CNTN3: variants seen among roughly 807,000 people sequenced by gnomAD.
CNTN3 encodes contactin-3.
A neutral mutation model predicts 119.1 loss-of-function variants in CNTN3; 60 were observed. That is an observed-to-expected ratio of 0.50 (90% CI 0.41 to 0.62). CNTN3 has a LOEUF of 0.62. Ranked by LOEUF, CNTN3 falls within the 20% of genes least tolerant of loss-of-function variation. The pLI is 0.00. For missense variants in CNTN3, 1,101 were observed against 1,242.4 expected (o/e 0.89, Z 1.71); for synonymous variants, 450 against 438.7 (o/e 1.03, Z -0.32).
At chr3:74,498,063 G>A (rs1703096206) in intron 3 of CNTN3, among the ~76,000 whole-genome samples, 1 of 151,760 alleles carries the variant, frequency 6.6e-6, no homozygotes, top group African/African-American at 2.4e-5. Flanking sequence ...CTTTTCAGGT[G>A]AACACATTTA....
At chr3:74,540,307 G>A (rs1220054396) in intron 1 of CNTN3, among the ~76,000 whole-genome samples, 2 of 152,060 alleles carry the variant, frequency 1.3e-5, no homozygotes, top group Non-Finnish European at 1.5e-5. Flanking sequence ...AAAGTTTAGG[G>A]GATTTCCTTT....
At chr3:74,548,883 T>C (rs1703949750) in intron 1 of CNTN3, among the ~76,000 whole-genome samples, 1 of 152,212 alleles carries the variant, frequency 6.6e-6, no homozygotes, top group African/African-American at 2.4e-5. Flanking sequence ...AGAGCATTCA[T>C]TTGGGATAGA....
chr3:74,468,263 C>T (rs539053659), intron 4 of CNTN3, among the ~76,000 whole-genome samples: 3 of 152,252 alleles, frequency 2.0e-5, no homozygotes, highest in South Asian at 4.1e-4. Flanking sequence ...TGTTAAAATG[C>T]TATTGATATC....
At chr3:74,610,721 G>A (rs988670384) in intron 1 of CNTN3, among the ~76,000 whole-genome samples, 2 of 152,084 alleles carry the variant, frequency 1.3e-5, no homozygotes, top group Non-Finnish European at 2.9e-5. Flanking sequence ...AGGAGCCAAG[G>A]AAGCCAGTGT....
intron 1 of CNTN3, among the ~76,000 whole-genome samples, chr3:74,598,660 C>A (rs1489963941): frequency 2.0e-5 from 3 of 151,870 alleles, no homozygotes; most frequent in African/African-American, 7.3e-5. Flanking sequence ...GAAATTCATA[C>A]TAATTCTATA....
intron 22 of CNTN3, 147 bp from the exon 23 acceptor site, chr3:74,264,648 C>T (rs907805991): frequency 1.9e-5 from 9 of 471,146 alleles, no homozygotes; most frequent in Admixed American, 1.2e-4. Flanking sequence ...TGAGGGACTT[C>T]GAGAGGTGAC....
chr3:74,393,407 C>T (rs954436864), intron 5 of CNTN3, among the ~76,000 whole-genome samples: 4 of 152,196 alleles, frequency 2.6e-5, no homozygotes, highest in African/African-American at 9.6e-5. Context: ...AATCTGTTCA[C>T]ACAATTCTAA....
chr3:74,485,947 G>C (rs1226557306), intron 4 of CNTN3, among the ~76,000 whole-genome samples: 1 of 152,034 alleles, frequency 6.6e-6, no homozygotes, highest in Non-Finnish European at 1.5e-5. Context: ...TCTGTGATAA[G>C]ACCCCAGAGG....
intron 4 of CNTN3, among the ~76,000 whole-genome samples, chr3:74,474,724 T>C (rs1305752307): frequency 2.6e-5 from 4 of 152,202 alleles, no homozygotes; most frequent in East Asian, 3.9e-4. Flanking sequence ...AAATCTCATA[T>C]TGAAATGCAA....
At chr3:74,413,542 T>C (rs931687665) in intron 5 of CNTN3, among the ~76,000 whole-genome samples, 2 of 152,218 alleles carry the variant, frequency 1.3e-5, no homozygotes, top group South Asian at 4.1e-4. Context: ...AACTGCATTT[T>C]CTATATTTTA....
At chr3:74,378,380 T>C (rs1488892027) in intron 5 of CNTN3, among the ~76,000 whole-genome samples, 1 of 152,216 alleles carries the variant, frequency 6.6e-6, no homozygotes, top group East Asian at 1.9e-4. Context: ...TGTAAGTTGT[T>C]GCTTTGTGGA....
chr3:74,522,216 T>C (rs1049290406), intron 1 of CNTN3, among the ~76,000 whole-genome samples: 1 of 151,940 alleles, frequency 6.6e-6, no homozygotes, highest in Non-Finnish European at 1.5e-5. Context: ...TGTTAAGTCA[T>C]CATTCCTATA....
At chr3:74,592,882 A>T (rs1704729393) in intron 1 of CNTN3, among the ~76,000 whole-genome samples, 1 of 152,022 alleles carries the variant, frequency 6.6e-6, no homozygotes. Flanking sequence ...CACAAAAAAT[A>T]AGTGAAATTC....
intron 13 of CNTN3, among the ~76,000 whole-genome samples, chr3:74,313,656 T>C (rs1347846967): frequency 1.3e-5 from 2 of 152,078 alleles, no homozygotes; most frequent in Admixed American, 6.5e-5. Flanking sequence ...GTCACAGAAA[T>C]TTATACACCA....
At chr3:74,582,028 T>C (rs1186432295) in intron 1 of CNTN3, among the ~76,000 whole-genome samples, 1 of 152,212 alleles carries the variant, frequency 6.6e-6, no homozygotes, top group Non-Finnish European at 1.5e-5. Flanking sequence ...AATATTTTCA[T>C]GATCACAGAG....
At chr3:74,582,380 C>T (rs868745244) in intron 1 of CNTN3, among the ~76,000 whole-genome samples, 1 of 147,672 alleles carries the variant, frequency 6.8e-6, no homozygotes, top group East Asian at 2.0e-4. Context: ...CACTCCAGCC[C>T]GGGCGACAGA....
In CNTN3 at chr3:74,493,297, A is replaced by G. The variant is rs928581674; in HGVS notation, c.182+6362T>C. 2.0e-5 allele frequency among the ~76,000 whole-genome samples: 3 copies of G among 152,094 alleles called. No individual in the cohort carries two copies. The East Asian group carries it at 5.8e-4, about 29-fold the overall frequency. On this transcript the variant is annotated intron_variant, in intron 3 of 22. Transcript: ENST00000263665. The stretch of plus-strand genomic sequence containing the variant: ...GCTAATAAGGCTAGGCAATATCACA[A>G]CTTGAAATTGAAGCTAACAAAACCG...
intron 4 of CNTN3, among the ~76,000 whole-genome samples, chr3:74,451,645 T>C (rs1311789060): frequency 6.6e-6 from 1 of 152,210 alleles, no homozygotes; most frequent in Non-Finnish European, 1.5e-5. Context: ...TTTATGGTTT[T>C]ATGTCTAACG....
rs1197569301 is a variant in CNTN3, at chr3:74,516,209, C to CTTTACCAAA, written c.55+4848_55+4849insTTTGGTAAA. 3.9e-4 allele frequency among the ~76,000 whole-genome samples: 59 copies of CTTTACCAAA among 151,334 alleles called. 1 individual carries two copies. The highest frequency in any genetic ancestry group is 1.3e-3 in the African/African-American group (53 of 40,864). On this transcript the variant is annotated intron_variant, in intron 2 of 22. Transcript: ENST00000263665. ...TGTGCCATCTACAACATGGGCAGGC[C>CTTTACCAAA]TGGAATGCACACAGATATGCATGTA...
Sources: gnomAD v4.1 joint callset for allele counts (sites outside exome capture counted in the v4.1 genomes callset) on GRCh38, gnomAD v4.1.1 for gene constraint, MANE v1.5 for transcripts, NCBI Gene and HGNC (gene_info 2026-07-23, HGNC 2026-07-21) for gene names.